The following ADAMTS19 variants were observed in gnomAD, a reference collection of about 807,000 sequenced individuals.
ADAMTS19 encodes A disintegrin and metalloproteinase with thrombospondin motifs 19.
In ADAMTS19, 93 loss-of-function variants were observed where a neutral mutation model predicts 153.3. That is an observed-to-expected ratio of 0.61 (90% confidence interval 0.51 to 0.72). ADAMTS19 has a LOEUF of 0.72. Ranked by LOEUF, ADAMTS19 falls within the 30% of genes least tolerant of loss-of-function variation. The probability of loss-of-function intolerance (pLI) is 0.00; values close to 1 mark genes in which losing one functional copy is unlikely to be tolerated. For missense variants in ADAMTS19, 1,482 were observed against 1,552.1 expected, an observed-to-expected ratio of 0.95 and a Z score of 0.76; for synonymous variants, 600 against 556.6, an observed-to-expected ratio of 1.08 and a Z score of -1.10.
At chr5:129,551,797 A>C in intron 6 of ADAMTS19, 67 bp from the exon 7 acceptor site, 1 of 936,396 alleles carries the variant, frequency 1.1e-6, no homozygotes, top group Non-Finnish European at 1.6e-6. Context: ...ATTAAAAATG[A>C]GTCACTTGAT....
chr5:129,684,879 C>G (rs148657566), intron 18 of ADAMTS19, among the ~76,000 whole-genome samples: 1 of 151,630 alleles, frequency 6.6e-6, no homozygotes, highest in African/African-American at 2.4e-5. Flanking sequence ...CCCAGCTAGT[C>G]GAGAGGCTGA....
chr5:129,667,331 T>G (rs1478124958), intron 16 of ADAMTS19, among the ~76,000 whole-genome samples: 1 of 152,190 alleles, frequency 6.6e-6, no homozygotes, highest in African/African-American at 2.4e-5. Context: ...CTAGCTCTAT[T>G]GTTTTGCATG....
intron 3 of ADAMTS19, among the ~76,000 whole-genome samples, chr5:129,520,562 A>C (rs1751765280): frequency 6.6e-6 from 1 of 152,126 alleles, no homozygotes; most frequent in South Asian, 2.1e-4. Context: ...CACCTTGAGG[A>C]AGAATTTGTT....
chr5:129,684,072 C>G, intron 17 of ADAMTS19, 48 bp from the exon 18 acceptor site: 1 of 1,541,996 alleles, frequency 6.5e-7, no homozygotes, highest in Non-Finnish European at 8.8e-7. Context: ...TTACATTGCA[C>G]GTGCTCTAGT....
intron 18 of ADAMTS19, among the ~76,000 whole-genome samples, chr5:129,691,902 G>A (rs1196152174): frequency 6.6e-6 from 1 of 152,064 alleles, no homozygotes; most frequent in African/African-American, 2.4e-5. Flanking sequence ...TATTTTCTGA[G>A]GATGGGGAAA....
Position 129,509,110 on chromosome 5 carries a change from T to C in ADAMTS19, c.781T>C (p.Phe261Leu). 6.2e-7 allele frequency: 1 copy of C among 1,611,144 alleles called. No individual in the cohort carries two copies. The highest frequency in any genetic ancestry group is 1.1e-5 in the South Asian group (1 of 90,892). ...TATACAGCTCAATGAGGACTTCATA[T>C]TTATTGAGCCACTCAATGATACAAT... Reference protein sequence around the residue: ...GFIQLNEDFIFIEPLNDTMAI... With the variant: ...GFIQLNEDFILIEPLNDTMAI... Residue 261 changes from phenylalanine (F) to leucine (L), a missense_variant, in exon 3 of 23, where the codon TTT becomes CTT. Transcript: ENST00000274487.
At chr5:129,577,504 G>C (rs1354948664) in intron 7 of ADAMTS19, among the ~76,000 whole-genome samples, 3 of 152,068 alleles carry the variant, frequency 2.0e-5, no homozygotes, top group African/African-American at 7.2e-5. Context: ...ATTTTAAACA[G>C]AGTGATCAAG....
chr5:129,503,745 G>A (rs1751181006), intron 2 of ADAMTS19, among the ~76,000 whole-genome samples: 1 of 151,840 alleles, frequency 6.6e-6, no homozygotes, highest in African/African-American at 2.4e-5. Context: ...GGAGAATCAC[G>A]AGAACCCAGG....
chr5:129,527,616 CTTTTTTT>C (rs370814072), intron 4 of ADAMTS19, 125 bp from the exon 5 acceptor site: 55 of 177,350 alleles, frequency 3.1e-4, no homozygotes, highest in African/African-American at 1.5e-3. Context: ...GCTTTACAAG[CTTTTTTT>C]TTTTTTTTTT....
chr5:129,734,649 CT>C (rs1437522767), intron 21 of ADAMTS19, among the ~76,000 whole-genome samples: 1 of 151,992 alleles, frequency 6.6e-6, no homozygotes, highest in Non-Finnish European at 1.5e-5. Flanking sequence ...CATTCACTCT[CT>C]TTCTCTTCAA....
chr5:129,730,251 A>T (rs1463216257), intron 21 of ADAMTS19, among the ~76,000 whole-genome samples: 1 of 152,096 alleles, frequency 6.6e-6, no homozygotes, highest in African/African-American at 2.4e-5. Flanking sequence ...ACTGAACTGG[A>T]AATATTCAAA....
At chr5:129,569,137 A>T (rs1472412642) in intron 7 of ADAMTS19, among the ~76,000 whole-genome samples, 3 of 152,088 alleles carry the variant, frequency 2.0e-5, no homozygotes, top group Non-Finnish European at 4.4e-5. Context: ...CTGTGGAAAA[A>T]GTAGTAAAAA....
chr5:129,658,336 A>AG (rs1753656410), intron 14 of ADAMTS19, among the ~76,000 whole-genome samples: 1 of 101,778 alleles, frequency 9.8e-6, no homozygotes. Flanking sequence ...AAAGAAAGAA[A>AG]GAAAGAAAGA....
intron 8 of ADAMTS19, among the ~76,000 whole-genome samples, chr5:129,599,380 G>A (rs1750533533): frequency 6.6e-6 from 1 of 151,964 alleles, no homozygotes; most frequent in Admixed American, 6.6e-5. Context: ...ATAAAATACA[G>A]ATTTATGAAT....
chr5:129,532,613 A>G (rs932821392), intron 6 of ADAMTS19, among the ~76,000 whole-genome samples: 1 of 152,202 alleles, frequency 6.6e-6, no homozygotes, highest in South Asian at 2.1e-4. Context: ...TAAAAATGTT[A>G]TTCACATAAA....
At chr5:129,507,977 TA>T (rs992811468) in intron 2 of ADAMTS19, among the ~76,000 whole-genome samples, 1 of 151,756 alleles carries the variant, frequency 6.6e-6, no homozygotes, top group Non-Finnish European at 1.5e-5. Context: ...TCAAACAAAT[TA>T]AAAAAAATTC....
At chr5:129,641,829 C>T (rs896112682) in intron 10 of ADAMTS19, 30 bp from the exon 11 acceptor site, 5 of 1,430,876 alleles carry the variant, frequency 3.5e-6, no homozygotes, top group East Asian at 2.4e-5. Flanking sequence ...GATACCTTCC[C>T]CTTATTAGTT....
intron 6 of ADAMTS19, among the ~76,000 whole-genome samples, chr5:129,544,176 A>G (rs1001254023): frequency 6.6e-6 from 1 of 152,268 alleles, no homozygotes; most frequent in African/African-American, 2.4e-5. Context: ...ATTTTTTTCT[A>G]TCTCCAACCA....
At chr5:129,558,432 T>C (rs76134640) in intron 7 of ADAMTS19, among the ~76,000 whole-genome samples, 2 of 152,072 alleles carry the variant, frequency 1.3e-5, no homozygotes, top group Non-Finnish European at 2.9e-5. Context: ...ATGAAATATA[T>C]TGAAATATAT....
Sources: allele counts gnomAD v4.1 joint callset (sites outside exome capture counted in the v4.1 genomes callset), GRCh38; gene constraint gnomAD v4.1.1; transcripts MANE v1.5; gene names NCBI Gene and HGNC (gene_info 2026-07-23, HGNC 2026-07-21).